PALM2AKAP2: variants seen among roughly 807,000 people sequenced by gnomAD.
PALM2AKAP2 encodes PALM2-AKAP2 fusion protein.
PALM2AKAP2 carries 37 observed loss-of-function variants against 71.5 expected under a neutral mutation model. The observed-to-expected ratio is 0.52, with a 90% CI of 0.40 to 0.68. PALM2AKAP2 has a LOEUF of 0.68. Ranked by LOEUF, PALM2AKAP2 falls within the 30% of genes least tolerant of loss-of-function variation. The pLI, the probability that PALM2AKAP2 is intolerant of heterozygous loss-of-function variation, is 0.00. For missense variants in PALM2AKAP2, 1,224 were observed against 1,191.8 expected, an observed-to-expected ratio of 1.03 and a Z score of -0.40; for synonymous variants, 468 against 478.8, an observed-to-expected ratio of 0.98 and a Z score of 0.29.
At chr9:109,707,266 T>A (rs895183346) in intron 1 of PALM2AKAP2, among the ~76,000 whole-genome samples, 1 of 152,016 alleles carries the variant, frequency 6.6e-6, no homozygotes, top group Non-Finnish European at 1.5e-5. Context: ...TTTAGAGAAC[T>A]GCCCCCCTAC....
intron 1 of PALM2AKAP2, among the ~76,000 whole-genome samples, chr9:109,670,031 T>C (rs761273846): frequency 4.9e-4 from 74 of 152,164 alleles, no homozygotes; most frequent in Non-Finnish European, 9.3e-4. Flanking sequence ...TTTCAAGTTA[T>C]ACATTTCCTT....
chr9:109,880,833 T>C, intron 3 of PALM2AKAP2, 152 bp downstream of exon 3: 1 of 1,191,418 alleles, frequency 8.4e-7, no homozygotes, highest in Non-Finnish European at 1.1e-6. Context: ...GTTTAAACTT[T>C]TCCAGATGAC....
At chr9:110,051,929 G>A (rs1474138466) in intron 1 of PALM2AKAP2, among the ~76,000 whole-genome samples, 7 of 150,124 alleles carry the variant, frequency 4.7e-5, no homozygotes, top group African/African-American at 1.7e-4. Context: ...TTGAAATGGA[G>A]TCTTTCTCTG....
intron 1 of PALM2AKAP2, among the ~76,000 whole-genome samples, chr9:109,689,166 C>G (rs1162299570): frequency 6.7e-6 from 1 of 149,838 alleles, no homozygotes; most frequent in Non-Finnish European, 1.5e-5. Context: ...ATTTTTTCAT[C>G]TGTAAAATGG....
chr9:110,135,164 A>AAAAAAATATATATAT lies in PALM2AKAP2; in HGVS notation c.157-962_157-961insAAAAATATATATATA. Among the ~76,000 whole-genome samples, 37 of 51,726 alleles carry AAAAAAATATATATAT rather than the reference A, an allele frequency of 7.2e-4. 2 individuals are homozygous for AAAAAAATATATATAT. Among genetic ancestry groups the AAAAAAATATATATAT allele is most frequent in the African/African-American group, 2.3e-3 (32 of 13,624 alleles). 33.9% of individuals were successfully genotyped at this position (51,726 alleles called of 152,430 possible). A position where few individuals can be genotyped will look rare whatever the true frequency, so the allele number is the denominator to read the frequency against. ...AACTCTGTCTCTACAAAAAAAAAAAAATATATAAATATATATATATATATA... is the reference window on the plus strand; with the variant it reads ...AACTCTGTCTCTACAAAAAAAAAAAAAAAAAATATATATATATATATAAATATATATATATATATA... On this transcript the variant is annotated intron_variant, in intron 1 of 3. Coordinates refer to ENST00000374525, the Ensembl canonical transcript of PALM2AKAP2.
chr9:109,872,784 C>A (rs1371780902), intron 2 of PALM2AKAP2, among the ~76,000 whole-genome samples: 2 of 152,166 alleles, frequency 1.3e-5, no homozygotes, highest in South Asian at 2.1e-4. Context: ...CGGTTTTGAA[C>A]ATTTAGCACT....
chr9:109,924,847 C>G (rs1830915771), intron 4 of PALM2AKAP2, among the ~76,000 whole-genome samples: 1 of 152,156 alleles, frequency 6.6e-6, no homozygotes, highest in Non-Finnish European at 1.5e-5. Flanking sequence ...TGAAATAAAT[C>G]TCTATTGGGA....
intron 1 of PALM2AKAP2, among the ~76,000 whole-genome samples, chr9:109,651,363 T>C (rs557682500): frequency 6.6e-6 from 1 of 152,348 alleles, no homozygotes; most frequent in African/African-American, 2.4e-5. Context: ...CTTCCTTTGC[T>C]CCTCTGGGAC....
In PALM2AKAP2 at chr9:110,048,739, CCGGAG is replaced by C. The variant is rs1833649053; in HGVS notation, c.41_45del (p.Pro14LeufsTer44). ...GCCCGGGGCTGCCGCTCGCCTTCCC[CCGGAG>C]TCTCCTGGACCCCCGGAGTCTCCTG... On this transcript the variant is annotated frameshift_variant, in exon 1 of 4. Coordinates refer to ENST00000374525, the Ensembl canonical transcript of PALM2AKAP2. LOFTEE classifies it high-confidence loss of function. 2 of 1,370,682 alleles carry C rather than the reference CCGGAG, an allele frequency of 1.5e-6. No homozygotes were observed. Among genetic ancestry groups the C allele is most frequent in the South Asian group, 2.9e-5 (2 of 68,674 alleles). The allele number at this position is 1,370,682 out of a possible 1,614,324, so 84.9% of individuals were successfully genotyped here.
At chr9:109,809,278 T>G (rs1827665232) in intron 1 of PALM2AKAP2, among the ~76,000 whole-genome samples, 1 of 152,078 alleles carries the variant, frequency 6.6e-6, no homozygotes, top group African/African-American at 2.4e-5. Flanking sequence ...GGAGGGGAGC[T>G]TTACCCTGCA....
At chr9:109,731,137 C>T (rs769281068) in intron 1 of PALM2AKAP2, among the ~76,000 whole-genome samples, 6 of 152,170 alleles carry the variant, frequency 3.9e-5, no homozygotes, top group Non-Finnish European at 8.8e-5. Context: ...TGTATACATA[C>T]AGACACCCAC....
chr9:110,085,077 G>A (rs1486473367), intron 1 of PALM2AKAP2, among the ~76,000 whole-genome samples: 2 of 152,114 alleles, frequency 1.3e-5, no homozygotes, highest in African/African-American at 4.8e-5. Flanking sequence ...ATTTTCCATC[G>A]TGGTTGGTTG....
At chr9:109,975,535 C>T (rs1832157533) in intron 6 of PALM2AKAP2, among the ~76,000 whole-genome samples, 1 of 152,244 alleles carries the variant, frequency 6.6e-6, no homozygotes, top group African/African-American at 2.4e-5. Context: ...TACCATCTAT[C>T]TAGCCATTCC....
At chr9:110,097,962 C>G (rs1292848560) in intron 1 of PALM2AKAP2, among the ~76,000 whole-genome samples, 2 of 143,292 alleles carry the variant, frequency 1.4e-5, no homozygotes, top group Non-Finnish European at 3.0e-5. Flanking sequence ...AGCTGGAGAC[C>G]AGCCCGGCCA....
intron 1 of PALM2AKAP2, among the ~76,000 whole-genome samples, chr9:109,802,969 A>G (rs1226777864): frequency 6.6e-6 from 1 of 152,252 alleles, no homozygotes; most frequent in Non-Finnish European, 1.5e-5. Flanking sequence ...CACAGATGCC[A>G]GTCTCTTAGC....
At chr9:110,073,380 A>G (rs1834249967) in intron 1 of PALM2AKAP2, among the ~76,000 whole-genome samples, 1 of 152,166 alleles carries the variant, frequency 6.6e-6, no homozygotes, top group Non-Finnish European at 1.5e-5. Flanking sequence ...TCATGACCTG[A>G]GCTGAGAATT....
At chr9:109,684,769 A>G (rs1449970568) in intron 1 of PALM2AKAP2, among the ~76,000 whole-genome samples, 1 of 152,222 alleles carries the variant, frequency 6.6e-6, no homozygotes, top group African/African-American at 2.4e-5. Context: ...ACATATACTT[A>G]CTATATGAAC....
intron 2 of PALM2AKAP2, among the ~76,000 whole-genome samples, chr9:109,874,806 C>T (rs1404345370): frequency 6.6e-6 from 1 of 152,208 alleles, no homozygotes; most frequent in Non-Finnish European, 1.5e-5. Context: ...AATATCTATG[C>T]ATTGCCCTAA....
At chr9:110,074,071 AAC>A (rs1467259494) in intron 1 of PALM2AKAP2, among the ~76,000 whole-genome samples, 1 of 152,228 alleles carries the variant, frequency 6.6e-6, no homozygotes, top group Non-Finnish European at 1.5e-5. Context: ...CACAGAGGAA[AAC>A]ACAGCATCGC....
Sources: allele counts gnomAD v4.1 joint callset (sites outside exome capture counted in the v4.1 genomes callset), GRCh38; gene constraint gnomAD v4.1.1; transcripts MANE v1.5; gene names NCBI Gene and HGNC (gene_info 2026-07-23, HGNC 2026-07-21).